The following RBFOX1 variants were observed in gnomAD, a reference collection of about 807,000 sequenced individuals.
The protein encoded by RBFOX1 is RNA binding fox-1 homolog 1.
RBFOX1 carries 8 observed loss-of-function variants against 57.7 expected under a neutral mutation model. The observed-to-expected ratio is 0.14, with a 90% CI of 0.08 to 0.25. RBFOX1 has a LOEUF of 0.25. Ranked by LOEUF, RBFOX1 falls within the 10% of genes least tolerant of loss-of-function variation. The pLI is 1.00. For synonymous variants in RBFOX1, 326 were observed against 222.4 expected, an observed-to-expected ratio of 1.47 and a Z score of -4.15; for missense variants, 611 against 548.5, an observed-to-expected ratio of 1.11 and a Z score of -1.14.
At chr16:6,460,825 A>AC (rs1409062280) in intron 2 of RBFOX1, among the ~76,000 whole-genome samples, 1 of 85,392 alleles carries the variant, frequency 1.2e-5, no homozygotes, top group Non-Finnish European at 2.7e-5. Context: ...TATTCAGAAT[A>AC]CCAAAAAAAA....
chr16:5,942,912 T>C (rs1205446764), intron 4 of RBFOX1, among the ~76,000 whole-genome samples: 1 of 152,214 alleles, frequency 6.6e-6, no homozygotes, highest in Non-Finnish European at 1.5e-5. Flanking sequence ...TCTTGGGATA[T>C]GCAATGTCCC....
intron 3 of RBFOX1, among the ~76,000 whole-genome samples, chr16:6,792,304 G>A (rs763713105): frequency 3.0e-4 from 46 of 152,276 alleles, no homozygotes; most frequent in African/African-American, 1.0e-3. Flanking sequence ...TTTGGAAAAC[G>A]TTGCTCAGGA....
At chr16:5,735,671 TG>T in intron 3 of RBFOX1, among the ~76,000 whole-genome samples, 1 of 151,990 alleles carries the variant, frequency 6.6e-6, no homozygotes, top group Non-Finnish European at 1.5e-5. Flanking sequence ...CCAAAGTGGG[TG>T]GGTCACCTGA....
chr16:6,080,461 G>C (rs1567406862), intron 1 of RBFOX1, among the ~76,000 whole-genome samples: 1 of 152,174 alleles, frequency 6.6e-6, no homozygotes, highest in African/African-American at 2.4e-5. Context: ...GTGTGCTCTT[G>C]CCAGCAAAAC....
chr16:7,334,448 C>T (rs2096749034), intron 4 of RBFOX1, among the ~76,000 whole-genome samples: 1 of 152,042 alleles, frequency 6.6e-6, no homozygotes, highest in South Asian at 2.1e-4. Context: ...GGGTGAAGGT[C>T]GGCTGTTGGA....
At chr16:7,683,145 G>A (rs2075293193) in intron 14 of RBFOX1, among the ~76,000 whole-genome samples, 1 of 146,472 alleles carries the variant, frequency 6.8e-6, no homozygotes, top group Non-Finnish European at 1.5e-5. Context: ...ACTGATGTAT[G>A]GAGATGGCTC....
At chr16:7,310,031 C>T (rs2096273554) in intron 4 of RBFOX1, among the ~76,000 whole-genome samples, 2 of 152,350 alleles carry the variant, frequency 1.3e-5, no homozygotes, top group Admixed American at 6.5e-5. Context: ...TGGCCCGTGG[C>T]TGTTGGCATG....
At chr16:6,913,083 C>T (rs572287240) in intron 3 of RBFOX1, among the ~76,000 whole-genome samples, 17 of 152,210 alleles carry the variant, frequency 1.1e-4, no homozygotes, top group Non-Finnish European at 2.1e-4. Context: ...GCAGGAAAAC[C>T]ATTATGGAAG....
intron 3 of RBFOX1, among the ~76,000 whole-genome samples, chr16:6,921,809 C>G (rs1273036685): frequency 6.6e-6 from 1 of 151,714 alleles, no homozygotes; most frequent in Admixed American, 6.6e-5. Context: ...AACATAATCA[C>G]CATGTAACTT....
chr16:5,969,325 G>GTTTTTTTTTTTTTT (rs1392384342), intron 4 of RBFOX1, among the ~76,000 whole-genome samples: 4 of 120,648 alleles, frequency 3.3e-5, no homozygotes, highest in African/African-American at 6.3e-5. Context: ...TTTTTTTTTG[G>GTTTTTTTTTTTTTT]TTTGGAAATG....
chr16:5,883,496 A>T (rs1281444407), intron 4 of RBFOX1, among the ~76,000 whole-genome samples: 1 of 144,896 alleles, frequency 6.9e-6, no homozygotes, highest in Non-Finnish European at 1.5e-5. Flanking sequence ...TCTCGGAGGA[A>T]CCTGCAATCC....
chr16:5,480,245 C>T (rs1019416710), intron 2 of RBFOX1, among the ~76,000 whole-genome samples: 4 of 152,088 alleles, frequency 2.6e-5, no homozygotes, highest in African/African-American at 9.7e-5. Flanking sequence ...AGCTTTTGAC[C>T]AGGGGTCAAA....
chr16:5,500,795 C>T (rs573379822), intron 2 of RBFOX1, among the ~76,000 whole-genome samples: 1 of 152,212 alleles, frequency 6.6e-6, no homozygotes, highest in Non-Finnish European at 1.5e-5. Context: ...ACAGTTGACT[C>T]AGAGGCTAAC....
At chr16:5,309,631 G>A (rs1165685831) in intron 1 of RBFOX1, among the ~76,000 whole-genome samples, 1 of 152,148 alleles carries the variant, frequency 6.6e-6, no homozygotes, top group Non-Finnish European at 1.5e-5. Context: ...CATTGTACCT[G>A]TGGAGTCATT....
Position 5,655,696 on chromosome 16 carries a change from C to T in RBFOX1, c.318+56735C>T, listed in dbSNP as rs187315994. On this transcript the variant is annotated intron_variant, in intron 3 of 19. Coordinates refer to the RBFOX1 transcript ENST00000641259. The stretch of plus-strand genomic sequence containing the variant: ...GTGCATTTGTACCTCTTTCTCATCT[C>T]ACAGGTACAGTGTAACCCTTGAGAA... 3.0e-3 allele frequency among the ~76,000 whole-genome samples: 456 copies of T among 152,294 alleles called. 2 individuals are homozygous for T. Among genetic ancestry groups the T allele is most frequent in the African/African-American group, 0.011 (443 of 41,546 alleles).
chr16:7,271,337 C>A (rs750957125), intron 4 of RBFOX1, among the ~76,000 whole-genome samples: 40 of 151,694 alleles, frequency 2.6e-4, no homozygotes, highest in Non-Finnish European at 5.3e-4. Flanking sequence ...ACAACTGGAT[C>A]TTTGTTATTT....
intron 2 of RBFOX1, among the ~76,000 whole-genome samples, chr16:6,401,564 C>T (rs907751094): frequency 1.3e-5 from 2 of 151,996 alleles, no homozygotes; most frequent in Non-Finnish European, 2.9e-5. Flanking sequence ...AGTGTTTAGC[C>T]GTATGCTTAT....
At chr16:7,699,365 A>C (rs28576965) in intron 14 of RBFOX1, among the ~76,000 whole-genome samples, 58,218 of 151,870 alleles carry the variant, frequency 0.38, 11,493 homozygotes, top group African/African-American at 0.43. Context: ...CTGATATCTT[A>C]ATTTTTTGAA....
In RBFOX1 at chr16:6,641,127, C is replaced by T. The variant is rs564787348; in HGVS notation, c.-63-13476C>T. On this transcript the variant is annotated intron_variant, in intron 2 of 15. Coordinates refer to ENST00000550418, the MANE Select transcript of RBFOX1 (RefSeq NM_018723.4). ...AATTTGATAATTGCATCCTCAAAAC[C>T]TTTAATGAAGGTGCCTATCAAAGTG... Among the ~76,000 whole-genome samples the T allele has an allele frequency of 9.2e-5, 14 of 152,336 alleles. No homozygotes were observed. The South Asian group carries it at 2.9e-3, about 32-fold the overall frequency.
Sources: allele counts gnomAD v4.1 joint callset (sites outside exome capture counted in the v4.1 genomes callset), GRCh38; gene constraint gnomAD v4.1.1; transcripts MANE v1.5; gene names NCBI Gene and HGNC (gene_info 2026-07-23, HGNC 2026-07-21).